The following DMD variants were observed in gnomAD, a reference collection of about 807,000 sequenced individuals.
DMD encodes the protein mutant dystrophin.
In DMD, 63 loss-of-function variants were observed where a neutral mutation model predicts 330.1. That is an observed-to-expected ratio of 0.19 (90% CI 0.16 to 0.24). The LOEUF (loss-of-function observed/expected upper bound fraction) is 0.24. Among genes scored for constraint, DMD ranks in the 10% least tolerant of loss-of-function variants. DMD has a pLI of 1.00. For synonymous variants in DMD, 1,223 were observed against 959.8 expected, an observed-to-expected ratio of 1.27 and a Z score of -5.07; for missense variants, 3,344 against 2,684.1, an observed-to-expected ratio of 1.25 and a Z score of -5.43.
intron 60 of DMD, among the ~76,000 whole-genome samples, chrX:31,390,080 T>C (rs1392402370): frequency 1.8e-5 from 2 of 110,756 alleles, no homozygotes; most frequent in African/African-American, 6.6e-5. Context: ...CATCCTCAGA[T>C]AATTTGGGAG....
chrX:32,478,311 G>A (rs185713027), intron 21 of DMD, among the ~76,000 whole-genome samples: 3 of 111,562 alleles, frequency 2.7e-5, no homozygotes, highest in Non-Finnish European at 5.7e-5. Context: ...TACCTACTTC[G>A]GCAAAATGCT....
chrX:32,635,563 A>G lies in DMD; in HGVS notation c.1331+8569T>C, dbSNP rs553985382. ...AGAAATCATGATATATTATAATCCA[A>G]GAAATGGCAAACATGTTTTAATATA... On this transcript the variant is annotated intron_variant, in intron 11 of 78. Transcript: ENST00000357033. Among the ~76,000 whole-genome samples the G allele has an allele frequency of 3.6e-5, 4 of 112,366 alleles. No individual in the cohort carries two copies. The South Asian group carries it at 1.5e-3, about 42-fold the overall frequency.
intron 55 of DMD, among the ~76,000 whole-genome samples, chrX:31,530,647 C>CTT (rs1192286078): frequency 4.1e-3 from 203 of 49,673 alleles, no homozygotes; most frequent in African/African-American, 7.9e-3. Flanking sequence ...ACTGGTTTCT[C>CTT]TTTTTTTTTT....
chrX:33,315,943 T>C (rs1344873386), intron 1 of DMD, among the ~76,000 whole-genome samples: 1 of 111,276 alleles, frequency 9.0e-6, no homozygotes, highest in Non-Finnish European at 1.9e-5. Flanking sequence ...GAAACATATG[T>C]TCCTTTATTG....
intron 51 of DMD, among the ~76,000 whole-genome samples, chrX:31,761,186 C>G (rs1203671912): frequency 1.8e-5 from 2 of 110,771 alleles, no homozygotes; most frequent in Non-Finnish European, 3.8e-5. Flanking sequence ...CGCCTGGCCC[C>G]TAGTTAGTAT....
rs1369717735 is a variant in DMD at position 33,041,512 on chromosome X, A to C, written c.32-21312T>G. ...ACAACAAGAAGAAAAGATTGAAAAA[A>C]TGAGAGCTGAAGATGGTGAAAATTA... On this transcript the variant is annotated intron_variant, in intron 1 of 78. Coordinates refer to ENST00000357033, the MANE Select transcript of DMD (RefSeq NM_004006.3). The C allele has an allele frequency of 2.5e-6, 3 of 1,206,136 alleles. No homozygotes were observed. The African/African-American group carries it at 5.2e-5, about 21-fold the overall frequency.
chrX:32,612,259 C>T (rs2057235722), intron 12 of DMD, among the ~76,000 whole-genome samples: 1 of 110,786 alleles, frequency 9.0e-6, no homozygotes, highest in African/African-American at 3.3e-5. Context: ...TCCTCATTGG[C>T]TAAGGGCAGC....
chrX:32,518,843 G>A (rs1196737512), intron 17 of DMD, among the ~76,000 whole-genome samples: 2 of 109,995 alleles, frequency 1.8e-5, no homozygotes, highest in Non-Finnish European at 3.8e-5. Flanking sequence ...TGCTCCAGTT[G>A]ATGCCACATA....
chrX:32,947,277 C>T (rs1361148738), intron 2 of DMD, among the ~76,000 whole-genome samples: 1 of 111,919 alleles, frequency 8.9e-6, no homozygotes, highest in Non-Finnish European at 1.9e-5. Flanking sequence ...CGAGCAATTA[C>T]AAATCTGGCC....
chrX:32,854,837 G>A (rs779186019), intron 2 of DMD, among the ~76,000 whole-genome samples: 14 of 111,616 alleles, frequency 1.3e-4, no homozygotes, highest in African/African-American at 4.5e-4. Context: ...ATTCTGTGAG[G>A]CCAATATTAG....
intron 4 of DMD, among the ~76,000 whole-genome samples, chrX:32,826,421 T>C (rs1034366473): frequency 4.5e-5 from 5 of 111,149 alleles, no homozygotes; most frequent in African/African-American, 1.3e-4. Flanking sequence ...ATAGCGAAGA[T>C]AGGAAATCAA....
chrX:32,799,589 G>A (rs998945561), intron 7 of DMD, among the ~76,000 whole-genome samples: 3 of 104,747 alleles, frequency 2.9e-5, no homozygotes, highest in African/African-American at 1.1e-4. Flanking sequence ...CTTAATATAG[G>A]GAGGATTTTT....
chrX:32,660,498 T>G (rs1318097181), intron 9 of DMD, among the ~76,000 whole-genome samples: 1 of 111,572 alleles, frequency 9.0e-6, no homozygotes, highest in Non-Finnish European at 1.9e-5. Context: ...GATTTGACAT[T>G]TCTTTCCATT....
In DMD at chrX:32,395,765, G is replaced by T. The variant is rs142113292; in HGVS notation, c.4234-5584C>A. Among the ~76,000 whole-genome samples the T allele has an allele frequency of 9.0e-3, 995 of 110,849 alleles. 7 individuals carry two copies. The highest frequency in any genetic ancestry group is 0.029 in the Middle Eastern group (6 of 209). On this transcript the variant is annotated intron_variant, in intron 30 of 78. Coordinates refer to ENST00000357033, the MANE Select transcript of DMD (RefSeq NM_004006.3). ...AGGCTGTAGGAAACAAGCTAGCAAAGATTAGGCTTGGGGCATGCAGAGTGT... is the reference window on the plus strand; with the variant it reads ...AGGCTGTAGGAAACAAGCTAGCAAATATTAGGCTTGGGGCATGCAGAGTGT...
chrX:32,232,235 G>A (rs1348174931), intron 43 of DMD, among the ~76,000 whole-genome samples: 3 of 111,780 alleles, frequency 2.7e-5, no homozygotes, highest in Non-Finnish European at 3.8e-5. Context: ...CAGAGGGAAC[G>A]GGTCCAAAAT....
At chrX:31,785,714 T>A (rs994415679) in intron 50 of DMD, among the ~76,000 whole-genome samples, 2 of 110,956 alleles carry the variant, frequency 1.8e-5, no homozygotes, top group Non-Finnish European at 3.8e-5. Context: ...GGTTTTCTGT[T>A]CCTGTGTTAG....
rs1033349209 is a variant in DMD, at chrX:33,232,028, G to C, written c.7+107231C>G. Among the ~76,000 whole-genome samples the C allele has an allele frequency of 3.6e-5, 4 of 111,772 alleles. No homozygotes were observed. In the Admixed American group the frequency reaches 3.8e-4, roughly 11 times the overall value. ...GGATTGGGCCAAGCCAGCAAGAAAA[G>C]AGTGTACTGAAATATTTAAAATTTA... is the stretch of plus-strand genomic sequence containing the variant. On this transcript the variant is annotated intron_variant, in intron 1 of 17. Coordinates refer to the DMD transcript ENST00000288447.
chrX:31,363,051 C>T lies in DMD; in HGVS notation c.9085-14417G>A, dbSNP rs758416301. On this transcript the variant is annotated intron_variant, in intron 60 of 78. Coordinates refer to ENST00000357033, the MANE Select transcript of DMD (RefSeq NM_004006.3). ...TTTAAATATCAGAAATAAACTCATA[C>T]TTTTGACTTACCATCTTCATAAGGC... is the stretch of plus-strand genomic sequence containing the variant. Among the ~76,000 whole-genome samples, 4 of 112,613 alleles carry T rather than the reference C, an allele frequency of 3.6e-5. No individual in the cohort carries two copies. The South Asian group carries it at 1.5e-3, about 41-fold the overall frequency.
intron 71 of DMD, among the ~76,000 whole-genome samples, chrX:31,175,739 G>C (rs754902744): frequency 9.0e-6 from 1 of 110,942 alleles, no homozygotes; most frequent in Non-Finnish European, 1.9e-5. Context: ...AAGAGTTAAT[G>C]ACCTACTTGG....
Sources: allele counts gnomAD v4.1 joint callset (sites outside exome capture counted in the v4.1 genomes callset), GRCh38; gene constraint gnomAD v4.1.1; transcripts MANE v1.5; gene names NCBI Gene and HGNC (gene_info 2026-07-23, HGNC 2026-07-21).